The following DACH1 variants were observed in gnomAD, a reference collection of about 807,000 sequenced individuals.
DACH1 encodes dachshund homolog 1.
DACH1 carries 12 observed loss-of-function variants against 54.2 expected under a neutral mutation model. That is an observed-to-expected ratio of 0.22 (90% CI 0.14 to 0.36). The LOEUF is 0.36. Ranked by LOEUF, DACH1 falls within the 10% of genes least tolerant of loss-of-function variation. The pLI is 1.00. For missense variants in DACH1, 805 were observed against 929.8 expected, an observed-to-expected ratio of 0.87 and a Z score of 1.75; for synonymous variants, 386 against 366.2, an observed-to-expected ratio of 1.05 and a Z score of -0.62.
intron 1 of DACH1, among the ~76,000 whole-genome samples, chr13:71,828,921 C>T (rs1309904326): frequency 6.6e-6 from 1 of 151,922 alleles, no homozygotes; most frequent in East Asian, 1.9e-4. Flanking sequence ...CCCCTTTCTA[C>T]TTTCTTCCTC....
intron 1 of DACH1, among the ~76,000 whole-genome samples, chr13:71,809,107 G>T (rs1008872698): frequency 6.6e-6 from 1 of 152,086 alleles, no homozygotes; most frequent in East Asian, 1.9e-4. Flanking sequence ...TGTCATTTTG[G>T]TTCTTAGTAA....
intron 1 of DACH1, among the ~76,000 whole-genome samples, chr13:71,702,766 C>A (rs974487678): frequency 2.6e-5 from 4 of 151,990 alleles, no homozygotes; most frequent in Non-Finnish European, 4.4e-5. Context: ...TAAATTACTT[C>A]TTTAAAATTA....
intron 6 of DACH1, among the ~76,000 whole-genome samples, chr13:71,497,237 T>G (rs920399564): frequency 2.0e-5 from 3 of 152,100 alleles, no homozygotes; most frequent in African/African-American, 7.2e-5. Context: ...TAACAAATAA[T>G]CCAATCAATT....
chr13:71,510,560 A>G (rs571176488), intron 6 of DACH1, among the ~76,000 whole-genome samples: 1 of 152,158 alleles, frequency 6.6e-6, no homozygotes, highest in South Asian at 2.1e-4. Context: ...AAAGACATAG[A>G]TTTATCCAAA....
intron 1 of DACH1, among the ~76,000 whole-genome samples, chr13:71,715,200 G>A (rs1172358053): frequency 1.3e-5 from 2 of 152,054 alleles, no homozygotes; most frequent in African/African-American, 2.4e-5. Context: ...CCTCTGAATA[G>A]TAGAGACAAA....
intron 1 of DACH1, among the ~76,000 whole-genome samples, chr13:71,686,241 C>G (rs1382383295): frequency 6.6e-6 from 1 of 152,150 alleles, no homozygotes; most frequent in Non-Finnish European, 1.5e-5. Flanking sequence ...TTTCAAACAT[C>G]TGCATTAAAA....
intron 1 of DACH1, among the ~76,000 whole-genome samples, chr13:71,766,146 A>G (rs1566487350): frequency 6.6e-6 from 1 of 152,136 alleles, no homozygotes; most frequent in African/African-American, 2.4e-5. Flanking sequence ...TCGGCCTCCC[A>G]AAGTGCTGGG....
At chr13:71,582,659 A>G (rs1391838548) in intron 3 of DACH1, among the ~76,000 whole-genome samples, 4 of 152,132 alleles carry the variant, frequency 2.6e-5, no homozygotes, top group Non-Finnish European at 5.9e-5. Flanking sequence ...TTGAAATAAT[A>G]TTATATTATA....
intron 6 of DACH1, among the ~76,000 whole-genome samples, chr13:71,496,579 G>A (rs968319245): frequency 2.0e-5 from 3 of 151,590 alleles, no homozygotes; most frequent in Non-Finnish European, 4.4e-5. Flanking sequence ...GAATGGGGGA[G>A]GTTCATGATG....
chr13:71,644,296 A>C (rs114129371), intron 2 of DACH1, among the ~76,000 whole-genome samples: 96 of 152,364 alleles, frequency 6.3e-4, no homozygotes, highest in African/African-American at 2.2e-3. Flanking sequence ...AAATTTTTGA[A>C]AGGAACACTT....
chr13:71,593,934 A>G (rs933785403), intron 3 of DACH1, among the ~76,000 whole-genome samples: 5 of 151,562 alleles, frequency 3.3e-5, no homozygotes, highest in Non-Finnish European at 7.4e-5. Context: ...AAATATTTCA[A>G]TCAATTAGTT....
At chr13:71,715,724 T>C (rs1882935843) in intron 1 of DACH1, among the ~76,000 whole-genome samples, 1 of 151,940 alleles carries the variant, frequency 6.6e-6, no homozygotes, top group Admixed American at 6.6e-5. Context: ...AAGACAACTT[T>C]CAGTCTCGGG....
At chr13:71,632,805 C>T (rs1202226539) in intron 2 of DACH1, among the ~76,000 whole-genome samples, 3 of 152,036 alleles carry the variant, frequency 2.0e-5, no homozygotes, top group Non-Finnish European at 2.9e-5. Flanking sequence ...TCAAAGAATC[C>T]ATCTGGGTTT....
intron 3 of DACH1, among the ~76,000 whole-genome samples, chr13:71,611,370 C>T (rs1484617131): frequency 6.6e-6 from 1 of 152,184 alleles, no homozygotes; most frequent in Non-Finnish European, 1.5e-5. Flanking sequence ...ACTAATGAAT[C>T]GTCCATGGAC....
chr13:71,852,094 C>T (rs1195532851), intron 1 of DACH1, among the ~76,000 whole-genome samples: 1 of 152,186 alleles, frequency 6.6e-6, no homozygotes, highest in Admixed American at 6.5e-5. Flanking sequence ...CTGTTGAAAT[C>T]ACTGATAGTA....
chr13:71,859,164 A>G (rs1164802758), intron 1 of DACH1, among the ~76,000 whole-genome samples: 2 of 151,808 alleles, frequency 1.3e-5, no homozygotes, highest in African/African-American at 2.4e-5. Context: ...CCAGCTTGAA[A>G]TCCTGGATCA....
intron 6 of DACH1, among the ~76,000 whole-genome samples, chr13:71,518,551 T>A (rs1455177451): frequency 1.1e-4 from 16 of 151,898 alleles, no homozygotes; most frequent in Admixed American, 1.1e-3. Flanking sequence ...GCAATTCCAT[T>A]AGGTATGAGA....
chr13:71,532,704 A>G (rs1882493711), intron 6 of DACH1, among the ~76,000 whole-genome samples: 1 of 151,926 alleles, frequency 6.6e-6, no homozygotes, highest in Non-Finnish European at 1.5e-5. Flanking sequence ...TAGATTTAGG[A>G]AAAAAATGCT....
chr13:71,577,317 T>C (rs138331985), intron 3 of DACH1, among the ~76,000 whole-genome samples: 6 of 152,288 alleles, frequency 3.9e-5, no homozygotes, highest in African/African-American at 1.4e-4. Flanking sequence ...CTTGAGTAAT[T>C]CTGTTGGAAT....
Sources: gnomAD v4.1 joint callset for allele counts (sites outside exome capture counted in the v4.1 genomes callset) on GRCh38, gnomAD v4.1.1 for gene constraint, MANE v1.5 for transcripts, NCBI Gene and HGNC (gene_info 2026-07-23, HGNC 2026-07-21) for gene names.